The following TTC12 variants were observed in gnomAD, a reference collection of about 807,000 sequenced individuals.
TTC12 encodes the protein tetratricopeptide repeat protein 12.
TTC12 carries 70 observed loss-of-function variants against 90.1 expected under a neutral mutation model. The ratio of observed to expected loss-of-function variants is 0.78; its 90% CI spans 0.64 to 0.95. The LOEUF is 0.95. Ranked by LOEUF, TTC12 falls within the 40% of genes least tolerant of loss-of-function variation. The pLI is 0.00. For missense variants in TTC12, 819 were observed against 846.1 expected (o/e 0.97, Z 0.40); for synonymous variants, 296 against 311.5 (o/e 0.95, Z 0.53).
chr11:113,350,824 G>A (rs1462530615), intron 14 of TTC12, among the ~76,000 whole-genome samples: 1 of 152,258 alleles, frequency 6.6e-6, no homozygotes, highest in Non-Finnish European at 1.5e-5. Flanking sequence ...GTATGGAACA[G>A]TGGCCATAGA....
At chr11:113,356,261 G>T (rs1300875587) in intron 16 of TTC12, among the ~76,000 whole-genome samples, 1 of 152,050 alleles carries the variant, frequency 6.6e-6, no homozygotes, top group Non-Finnish European at 1.5e-5. Flanking sequence ...GGATTGCAAC[G>T]CCTGCTTTTT....
chr11:113,338,686 G>A, intron 8 of TTC12, 88 bp from the exon 9 acceptor site: 1 of 976,148 alleles, frequency 1.0e-6, no homozygotes, highest in South Asian at 1.5e-5. Flanking sequence ...AGAAAATAAT[G>A]AAGCAGCCAA....
In TTC12 at chr11:113,352,065, T is replaced by C. The variant is rs1361793598; in HGVS notation, c.1309-5T>C. 1.2e-6 allele frequency: 2 copies of C among 1,613,312 alleles called. No individual in the cohort carries two copies. The highest frequency in any genetic ancestry group is 1.7e-6 in the Non-Finnish European group (2 of 1,179,732). ...AGGCTCTGCCTTCTCTCAATTCTCA[T>C]TTAGAAGACAGATCCCAAGGTAAGC... is the stretch of plus-strand genomic sequence containing the variant. On this transcript the variant is annotated splice_polypyrimidine_tract_variant and splice_region_variant and intron_variant, in intron 15 of 21. Coordinates refer to ENST00000529221, the MANE Select transcript of TTC12 (RefSeq NM_017868.4).
intron 18 of TTC12, 55 bp from the exon 19 acceptor site, chr11:113,362,346 G>A: frequency 7.3e-7 from 1 of 1,371,406 alleles, no homozygotes; most frequent in Non-Finnish European, 1.0e-6. Flanking sequence ...AGCTTTTAAA[G>A]GTTGTCAGCA....
At chr11:113,341,532 T>C (rs1948684682) in intron 11 of TTC12, 1 of 371,916 alleles carries the variant, frequency 2.7e-6, no homozygotes, top group Non-Finnish European at 5.0e-6. Flanking sequence ...AGGATACCCG[T>C]GTGGGTTGGA....
At chr11:113,331,275 T>TA (rs1948046678) in intron 7 of TTC12, among the ~76,000 whole-genome samples, 1 of 152,172 alleles carries the variant, frequency 6.6e-6, no homozygotes, top group Admixed American at 6.5e-5. Context: ...ACCTGCTTTG[T>TA]CGCCTTGCTT....
downstream of TTC12, chr11:113,368,837 A>G (rs762755713): frequency 3.6e-5 from 11 of 305,726 alleles, no homozygotes; most frequent in Non-Finnish European, 6.0e-5. Flanking sequence ...AGTTTTTGCC[A>G]TTAAAAGTAA....
At chr11:113,355,293 T>A (rs549187040) in intron 16 of TTC12, among the ~76,000 whole-genome samples, 2 of 152,314 alleles carry the variant, frequency 1.3e-5, no homozygotes, top group East Asian at 3.9e-4. Flanking sequence ...TTCTGTGGGG[T>A]CAGTGGTGAT....
chr11:113,328,118 G>A (rs782351006), intron 6 of TTC12, among the ~76,000 whole-genome samples: 3 of 152,168 alleles, frequency 2.0e-5, no homozygotes, highest in African/African-American at 7.2e-5. Flanking sequence ...AATCCTATGT[G>A]TAGTACTGGC....
chr11:113,335,593 A>C (rs782085967), intron 8 of TTC12, among the ~76,000 whole-genome samples: 1 of 151,836 alleles, frequency 6.6e-6, no homozygotes, highest in African/African-American at 2.4e-5. Flanking sequence ...CCTTCCCCCA[A>C]CCCCATCTCA....
downstream of TTC12, among the ~76,000 whole-genome samples, chr11:113,370,704 G>A (rs1187416506): frequency 6.6e-6 from 1 of 152,218 alleles, no homozygotes; most frequent in Non-Finnish European, 1.5e-5. Flanking sequence ...GCAGGGAACA[G>A]TGGGCTGCCG....
intron 1 of TTC12, 193 bp from the exon 2 acceptor site, chr11:113,316,050 G>A (rs868920815): frequency 5.0e-5 from 19 of 381,958 alleles, no homozygotes; most frequent in African/African-American, 2.9e-4. Flanking sequence ...AAGCATTGCC[G>A]CACGTAAATG....
At chr11:113,324,195 C>G in intron 4 of TTC12, 180 bp downstream of exon 4, 1 of 567,076 alleles carries the variant, frequency 1.8e-6, no homozygotes. Flanking sequence ...AGAGGTTTTT[C>G]TTTATTTTCT....
chr11:113,339,455 G>A lies in TTC12; in HGVS notation c.807G>A (p.Leu269=). ...TCTATGCTGGGGGGATTGAGATCCT[G>A]ACTGAAATGATAAATGAGTGTAAGC... ...PLFYAGGIEI[L]TEMINECTEQ... The change falls in exon 10 of 22, where the codon CTG becomes CTA. Residue 269 remains leucine (L), a synonymous_variant. Coordinates refer to ENST00000529221, the MANE Select transcript of TTC12 (RefSeq NM_017868.4). 3.1e-6 allele frequency: 5 copies of A among 1,610,984 alleles called. No homozygotes were observed. The highest frequency in any genetic ancestry group is 3.4e-6 in the Non-Finnish European group (4 of 1,179,142).
intron 13 of TTC12, among the ~76,000 whole-genome samples, chr11:113,346,859 G>A (rs985829837): frequency 2.0e-5 from 3 of 151,984 alleles, no homozygotes; most frequent in Admixed American, 1.3e-4. Flanking sequence ...ATTGTTTAGG[G>A]TCCTAAACTG....
intron 12 of TTC12, among the ~76,000 whole-genome samples, chr11:113,342,230 T>G (rs1198582714): frequency 2.0e-5 from 3 of 152,192 alleles, no homozygotes; most frequent in Non-Finnish European, 4.4e-5. Flanking sequence ...GTTTTTCTTT[T>G]CTTGTCAGCC....
chr11:113,371,932 G>A (rs1013748620), intron 21 of TTC12, among the ~76,000 whole-genome samples: 1 of 152,192 alleles, frequency 6.6e-6, no homozygotes, highest in Non-Finnish European at 1.5e-5. Flanking sequence ...GAAGCCCTGA[G>A]GAGATGGGCA....
chr11:113,324,646 G>A lies in TTC12; in HGVS notation c.286G>A (p.Ala96Thr). 1 of 1,614,038 alleles carries A rather than the reference G, an allele frequency of 6.2e-7. No homozygotes were observed. The highest frequency in any genetic ancestry group is 8.5e-7 in the Non-Finnish European group (1 of 1,179,972). The change falls in exon 5 of 22, where the codon GCC becomes ACC. Residue 96 changes from alanine to threonine, a missense_variant. Transcript: ENST00000529221. ...ASVEKDAKER[A>T]KRRRENKVLA... Reference sequence around the variant, plus strand: ...TGTGGAGAAGGATGCAAAGGAACGAGCCAAGAGAAGAAGGGAAAACAAAGT... The same window carrying A: ...TGTGGAGAAGGATGCAAAGGAACGAACCAAGAGAAGAAGGGAAAACAAAGT...
At chr11:113,350,471 C>T (rs1444148987) in intron 14 of TTC12, among the ~76,000 whole-genome samples, 1 of 152,190 alleles carries the variant, frequency 6.6e-6, no homozygotes, top group Non-Finnish European at 1.5e-5. Context: ...TAATCAGTGC[C>T]TGGTACATAG....
Sources: gnomAD v4.1 joint callset for allele counts (sites outside exome capture counted in the v4.1 genomes callset) on GRCh38, gnomAD v4.1.1 for gene constraint, MANE v1.5 for transcripts, NCBI Gene and HGNC (gene_info 2026-07-23, HGNC 2026-07-21) for gene names.